The following ZBTB1 variants were observed in gnomAD, a reference collection of about 807,000 sequenced individuals.
ZBTB1 encodes the protein zinc finger and BTB domain containing 1.
Under a neutral mutation model 51.6 loss-of-function variants are expected in ZBTB1, and 13 were observed. The observed-to-expected ratio is 0.25, with a 90% CI of 0.16 to 0.40. The LOEUF (loss-of-function observed/expected upper bound fraction) is 0.40. ZBTB1 is among the 10% of genes least tolerant of loss of function. ZBTB1 has a pLI of 1.00. For synonymous variants in ZBTB1, 240 were observed against 282.2 expected (o/e 0.85, Z 1.50); for missense variants, 567 against 856.5 (o/e 0.66, Z 4.22).
downstream of ZBTB1, chr14:64,524,954 C>A: frequency 1.0e-6 from 1 of 979,770 alleles, no homozygotes; most frequent in Non-Finnish European, 1.2e-6. Context: ...GAATAGAATG[C>A]CTTTTAATGT....
At chr14:64,507,189 C>CA (rs964953186) in intron 1 of ZBTB1, among the ~76,000 whole-genome samples, 7 of 151,550 alleles carry the variant, frequency 4.6e-5, no homozygotes, top group East Asian at 1.9e-4. Context: ...GTTGTCTTCC[C>CA]AAAAAAAATG....
chr14:64,509,677 G>T (rs1192687173), intron 1 of ZBTB1, among the ~76,000 whole-genome samples: 4 of 152,016 alleles, frequency 2.6e-5, no homozygotes, highest in Non-Finnish European at 5.9e-5. Flanking sequence ...TTTTTAAAAT[G>T]TGTAGGATCT....
chr14:64,526,133 T>C (rs1217363495), downstream of ZBTB1, among the ~76,000 whole-genome samples: 4 of 152,206 alleles, frequency 2.6e-5, no homozygotes, highest in Admixed American at 2.6e-4. Flanking sequence ...AATTTTTTTT[T>C]CTGAGTTTCA....
At chr14:64,505,045 C>T (rs1301929036) in intron 1 of ZBTB1, 99 bp downstream of exon 1, 1 of 376,492 alleles carries the variant, frequency 2.7e-6, no homozygotes, top group Non-Finnish European at 4.7e-6. Context: ...GGAGGGGCGC[C>T]GATCCGTGCG....
chr14:64,524,364 G>A lies in ZBTB1; in HGVS notation c.*718G>A. The A allele has an allele frequency of 1.1e-6, 1 of 888,762 alleles. No individual in the cohort carries two copies. Among genetic ancestry groups the A allele is most frequent in the Non-Finnish European group, 1.3e-6 (1 of 742,152 alleles). The allele number at this position is 888,762 out of a possible 1,614,324, so 55.1% of individuals were successfully genotyped here. On this transcript the variant is annotated 3_prime_UTR_variant, in exon 2 of 2. Coordinates refer to ENST00000683701, the MANE Select transcript of ZBTB1 (RefSeq NM_001123329.2). ...TTACCTCACTTGAAAAATTAGTGGG[G>A]ATAAGCCATTTTGTTTTGTGATATT... is the stretch of plus-strand genomic sequence containing the variant.
intron 1 of ZBTB1, among the ~76,000 whole-genome samples, chr14:64,515,013 T>C (rs1259265275): frequency 6.6e-6 from 1 of 152,254 alleles, no homozygotes; most frequent in Non-Finnish European, 1.5e-5. Flanking sequence ...ATATGCTTAA[T>C]GTGCTTGGTG....
chr14:64,505,983 C>T (rs962822382), intron 1 of ZBTB1, among the ~76,000 whole-genome samples: 1 of 152,162 alleles, frequency 6.6e-6, no homozygotes, highest in African/African-American at 2.4e-5. Context: ...ATGCAGGTCT[C>T]ATAATTTACA....
chr14:64,528,108 A>G (rs1350386125), downstream of ZBTB1, among the ~76,000 whole-genome samples: 1 of 152,156 alleles, frequency 6.6e-6, no homozygotes, highest in East Asian at 1.9e-4. Flanking sequence ...CTAAGTCAGT[A>G]GTTAAGGAAC....
At chr14:64,512,619 A>G (rs1032279736) in intron 1 of ZBTB1, among the ~76,000 whole-genome samples, 2 of 152,248 alleles carry the variant, frequency 1.3e-5, no homozygotes, top group African/African-American at 2.4e-5. Context: ...GTTTTAGGAT[A>G]TAACCCAGTT....
chr14:64,512,298 T>C (rs2079733323), intron 1 of ZBTB1, among the ~76,000 whole-genome samples: 1 of 152,242 alleles, frequency 6.6e-6, no homozygotes, highest in African/African-American at 2.4e-5. Flanking sequence ...CTGGCTTCTT[T>C]TTTAATTCCT....
chr14:64,511,419 C>T (rs2140099910), intron 1 of ZBTB1: 1 of 152,310 alleles, frequency 6.6e-6, no homozygotes, highest in East Asian at 1.9e-4. Flanking sequence ...TGCAACTGAA[C>T]TACAGGAACA....
At chr14:64,519,609 T>TAAAAAAAAAAAA (rs560056405) in intron 1 of ZBTB1, among the ~76,000 whole-genome samples, 1 of 133,894 alleles carries the variant, frequency 7.5e-6, no homozygotes, top group Non-Finnish European at 1.6e-5. Flanking sequence ...ACTAAAATAT[T>TAAAAAAAAAAAA]AAAAAAAAAA....
Position 64,504,825 on chromosome 14 carries a change from G to A in ZBTB1, c.-140G>A, listed in dbSNP as rs1052907668. On this transcript the variant is annotated 5_prime_UTR_variant, in exon 1 of 2. Coordinates refer to ENST00000683701, the MANE Select transcript of ZBTB1 (RefSeq NM_001123329.2). The stretch of plus-strand genomic sequence containing the variant: ...CCTCTCCGCGCAGCCCAGCCCGAGC[G>A]CCGAGCGCCGCGCGCCGCCGCCACT... 2.6e-6 allele frequency: 1 copy of A among 391,240 alleles called. No homozygotes were observed. The highest frequency in any genetic ancestry group is 4.5e-6 in the Non-Finnish European group (1 of 221,928). 24.2% of individuals were successfully genotyped at this position (391,240 alleles called of 1,614,324 possible).
At chr14:64,521,457 G>A (rs757280896) in intron 1 of ZBTB1, 30 bp from the exon 2 acceptor site, 26 of 1,508,720 alleles carry the variant, frequency 1.7e-5, no homozygotes, top group Admixed American at 2.3e-5. Flanking sequence ...TCTATATCTT[G>A]TTTGACTTTA....
chr14:64,505,093 G>A (rs1466591080), intron 1 of ZBTB1, 147 bp downstream of exon 1: 2 of 355,692 alleles, frequency 5.6e-6, no homozygotes, highest in Non-Finnish European at 1.0e-5. Context: ...CGAGGACCCG[G>A]TGACGGGCGG....
Position 64,523,178 on chromosome 14 carries a change from TC to T in ZBTB1, c.1675del (p.Gln559LysfsTer35). On this transcript the variant is annotated frameshift_variant, in exon 2 of 2. Transcript: ENST00000683701. LOFTEE classifies it high-confidence loss of function. This position sits in a 1 kb window ranked among gnomAD's most constrained non-coding sequence, Gnocchi z 4.5. ...VVEHMSSCLD[Q>X]DMFKSAIMEE... ...TTGAACATATGTCTAGCTGCTTAGATCAAGATATGTTTAAGAGTGCCATCAT... is the reference window on the plus strand; with the variant it reads ...TTGAACATATGTCTAGCTGCTTAGATAAGATATGTTTAAGAGTGCCATCAT... The T allele has an allele frequency of 6.2e-7, 1 of 1,614,166 alleles. No individual in the cohort carries two copies. The highest frequency in any genetic ancestry group is 8.5e-7 in the Non-Finnish European group (1 of 1,180,016).
In ZBTB1 at chr14:64,522,728, TAAC is replaced by T. The variant is rs1254641800; in HGVS notation, c.1229_1231del (p.Asn410del). On this transcript the variant is annotated inframe_deletion, in exon 2 of 2. Coordinates refer to ENST00000683701, the MANE Select transcript of ZBTB1 (RefSeq NM_001123329.2). ...GTGGTTTAGAGAATATGAGGCCCCCTAACAACAGCAGTCCAGTACAAGAGGATG... is the reference window on the plus strand; with the variant it reads ...GTGGTTTAGAGAATATGAGGCCCCCTAACAGCAGTCCAGTACAAGAGGATG... 1.2e-6 allele frequency: 2 copies of T among 1,614,202 alleles called. No homozygotes were observed. The highest frequency in any genetic ancestry group is 1.1e-5 in the South Asian group (1 of 91,080).
intron 1 of ZBTB1, among the ~76,000 whole-genome samples, chr14:64,517,111 A>C (rs1596692988): frequency 6.6e-6 from 1 of 152,334 alleles, no homozygotes; most frequent in Admixed American, 6.5e-5. Flanking sequence ...ACTCAAACTT[A>C]CCTGATGCTT....
Position 64,517,772 on chromosome 14 carries a change from TATATA to T in ZBTB1, c.-18-3714_-18-3710del, listed in dbSNP as rs1448811252. Among the ~76,000 whole-genome samples the T allele has an allele frequency of 3.1e-4, 24 of 78,008 alleles. 1 individual carries two copies. The highest frequency in any genetic ancestry group is 1.3e-3 in the African/African-American group (23 of 17,228). The allele number at this position is 78,008 out of a possible 152,430, so 51.2% of individuals were successfully genotyped here. On this transcript the variant is annotated intron_variant, in intron 1 of 1. Transcript: ENST00000683701. ...CCATTTAGAAATATATATATATATATATATATATATTTTTTTTTTTTTTTTTTTTT... is the reference window on the plus strand; with the variant it reads ...CCATTTAGAAATATATATATATATATTATATTTTTTTTTTTTTTTTTTTTT...
Sources: allele counts gnomAD v4.1 joint callset (sites outside exome capture counted in the v4.1 genomes callset), GRCh38; gene constraint gnomAD v4.1.1; non-coding constraint Gnocchi (gnomAD v3.1); transcripts MANE v1.5; gene names NCBI Gene and HGNC (gene_info 2026-07-23, HGNC 2026-07-21).